The following NEMF variants were observed in gnomAD, a reference collection of about 807,000 sequenced individuals.
NEMF encodes the protein ribosome quality control complex subunit NEMF.
In NEMF, 89 loss-of-function variants were observed where a neutral mutation model predicts 162.2. The observed-to-expected ratio is 0.55, with a 90% CI of 0.46 to 0.65. The LOEUF (loss-of-function observed/expected upper bound fraction) is 0.65, where lower values mean the gene tolerates loss of function less well. Ranked by LOEUF, NEMF falls within the 30% of genes least tolerant of loss-of-function variation. The pLI, the probability that NEMF is intolerant of heterozygous loss-of-function variation, is 0.00. For missense variants in NEMF, 1,133 were observed against 1,261.9 expected, an observed-to-expected ratio of 0.90 and a Z score of 1.55; for synonymous variants, 421 against 404.5, an observed-to-expected ratio of 1.04 and a Z score of -0.49.
Position 49,807,041 on chromosome 14 carries a change from C to T in NEMF, c.1745-908G>A, listed in dbSNP as rs561543974. Among the ~76,000 whole-genome samples, 165 of 152,302 alleles carry T rather than the reference C, an allele frequency of 1.1e-3. 1 individual carries two copies. The highest frequency in any genetic ancestry group is 3.9e-3 in the African/African-American group (161 of 41,564). ...CCTATATTCATTAGCAGCCACTCCC[C>T]ATTTTCTCCTCTGTACCCAGCCCCT... On this transcript the variant is annotated intron_variant, in intron 18 of 32. Coordinates refer to ENST00000298310, the MANE Select transcript of NEMF (RefSeq NM_004713.6).
chr14:49,826,975 G>T (rs1317383795), intron 15 of NEMF, among the ~76,000 whole-genome samples: 1 of 152,154 alleles, frequency 6.6e-6, no homozygotes, highest in African/African-American at 2.4e-5. Context: ...AACAGCAAGG[G>T]CAAAGACCCT....
chr14:49,833,591 C>G, intron 7 of NEMF, 95 bp from the exon 8 acceptor site: 1 of 729,966 alleles, frequency 1.4e-6, no homozygotes, highest in Non-Finnish European at 2.2e-6. Flanking sequence ...AAAGTGCTTA[C>G]AAAATAATGT....
chr14:49,832,359 G>A (rs543259419), intron 8 of NEMF, 82 bp from the exon 9 acceptor site: 9 of 939,640 alleles, frequency 9.6e-6, no homozygotes, highest in Admixed American at 4.7e-5. Context: ...ATACAGTCGC[G>A]CTCGCTCCAT....
At chr14:49,806,837 A>T (rs1313472998) in intron 18 of NEMF, among the ~76,000 whole-genome samples, 2 of 152,226 alleles carry the variant, frequency 1.3e-5, no homozygotes, top group Admixed American at 6.5e-5. Flanking sequence ...TATATGAATA[A>T]CATGTCCCTT....
chr14:49,847,930 G>A (rs1893589055), intron 3 of NEMF, among the ~76,000 whole-genome samples: 1 of 151,404 alleles, frequency 6.6e-6, no homozygotes, highest in Admixed American at 6.6e-5. Flanking sequence ...TACTCAGGAG[G>A]CTGAGGCAAA....
At chr14:49,819,137 G>A (rs1891867689) in intron 16 of NEMF, among the ~76,000 whole-genome samples, 1 of 152,028 alleles carries the variant, frequency 6.6e-6, no homozygotes, top group Non-Finnish European at 1.5e-5. Flanking sequence ...AGGAGGGTGC[G>A]GTAGGGCTGA....
intron 28 of NEMF, among the ~76,000 whole-genome samples, chr14:49,788,926 G>C (rs116601773): frequency 7.2e-5 from 11 of 152,198 alleles, no homozygotes; most frequent in Non-Finnish European, 1.2e-4. Flanking sequence ...ACTTCCTAAA[G>C]GCTTGTAACA....
intron 28 of NEMF, among the ~76,000 whole-genome samples, chr14:49,788,031 C>A (rs111354266): frequency 1.3e-3 from 196 of 152,268 alleles, no homozygotes; most frequent in African/African-American, 4.5e-3. Flanking sequence ...GTAATCCCAA[C>A]ACTTTGGGAG....
intron 1 of NEMF, 74 bp downstream of exon 1, chr14:49,852,621 C>A: frequency 6.7e-7 from 1 of 1,499,386 alleles, no homozygotes; most frequent in South Asian, 1.1e-5. Context: ...TCAAGCTGGT[C>A]TGTTTGCGCC....
At chr14:49,807,494 A>C (rs1347616800) in intron 18 of NEMF, among the ~76,000 whole-genome samples, 3 of 151,782 alleles carry the variant, frequency 2.0e-5, no homozygotes, top group Non-Finnish European at 2.9e-5. Context: ...TCCTACCAGC[A>C]GTATTCTATG....
intron 26 of NEMF, among the ~76,000 whole-genome samples, chr14:49,790,563 C>T (rs4277269): frequency 1 from 151,698 of 152,290 alleles, 75,558 homozygotes; most frequent in Middle Eastern, 1. Context: ...CATACACTGC[C>T]TGGTGGGAAA....
intron 16 of NEMF, among the ~76,000 whole-genome samples, chr14:49,822,815 A>G (rs1442590698): frequency 6.6e-6 from 1 of 151,842 alleles, no homozygotes; most frequent in Non-Finnish European, 1.5e-5. Context: ...GAAAGGGAGT[A>G]TGTCTGCTGA....
intron 16 of NEMF, 95 bp from the exon 17 acceptor site, chr14:49,814,952 A>C: frequency 2.9e-6 from 2 of 699,324 alleles, no homozygotes; most frequent in Non-Finnish European, 2.4e-6. Context: ...GCTATTTAAG[A>C]CAAGTTGATG....
At chr14:49,843,013 T>A (rs1205490017) in intron 4 of NEMF, among the ~76,000 whole-genome samples, 4 of 150,232 alleles carry the variant, frequency 2.7e-5, no homozygotes, top group African/African-American at 7.4e-5. Context: ...TCAAAAAAAA[T>A]TAAAAAATAA....
Position 49,828,760 on chromosome 14 carries a change from T to C in NEMF, c.1280A>G (p.Asp427Gly), listed in dbSNP as rs774526855. The C allele has an allele frequency of 3.9e-5, 61 of 1,570,748 alleles. No homozygotes were observed. The highest frequency in any genetic ancestry group is 3.4e-4 in the Admixed American group (19 of 55,802). Residue 427 changes from aspartate (D) to glycine (G), a missense_variant, in exon 14 of 33, where the codon GAC becomes GGC. This residue lies in a region of NEMF where 582 missense variants were observed against 631.5 expected (regional missense o/e 0.92). Coordinates refer to ENST00000298310, the MANE Select transcript of NEMF (RefSeq NM_004713.6). ...SEEEDDDVDG[D>G]VNVEKNETEP... ...AGTTTCATTTTTCTCAACATTGACG[T>C]CACCATCAACATCATCATCTTCCTC...
rs1893844522 is a variant in NEMF at position 49,852,715 on chromosome 14, T to A, written c.39A>T (p.Val13=). 2 of 1,614,184 alleles carry A rather than the reference T, an allele frequency of 1.2e-6. No homozygotes were observed. Among genetic ancestry groups the A allele is most frequent in the Non-Finnish European group, 1.7e-6 (2 of 1,180,020 alleles). ...SRFSTIDLRA[V]LAELNASLLG... ...TGTACCTAGCATTCAGCTCCGCGAG[T>A]ACGGCGCGGAGGTCAATGGTGCTAA... The change falls in exon 1 of 33, where the codon GTA becomes GTT. Residue 13 remains valine (V), a synonymous_variant. Transcript: ENST00000298310.
In NEMF at chr14:49,832,124, T is replaced by A. The variant is rs372841817; in HGVS notation, c.809A>T (p.Tyr270Phe). ...ADKPVEDILTYEEFHPFLFSQ... is the reference protein window; with the variant it reads ...ADKPVEDILTFEEFHPFLFSQ... ...AAACAAGAAAGGATGAAATTCCTCATACCTGTAAAACATATTTATTATATC... is the reference window on the plus strand; with the variant it reads ...AAACAAGAAAGGATGAAATTCCTCAAACCTGTAAAACATATTTATTATATC... Residue 270 changes from tyrosine to phenylalanine, a missense_variant and splice_region_variant, in exon 10 of 33, where the codon TAT becomes TTT. Physicochemically the swap from Tyr to Phe is conservative, Grantham distance 22. Coordinates refer to ENST00000298310, the MANE Select transcript of NEMF (RefSeq NM_004713.6). 30 of 1,603,072 alleles carry A rather than the reference T, an allele frequency of 1.9e-5. No individual in the cohort carries two copies. The highest frequency in any genetic ancestry group is 4.0e-5 in the African/African-American group (3 of 74,388).
intron 4 of NEMF, 108 bp downstream of exon 4, chr14:49,846,032 C>T: frequency 2.3e-6 from 2 of 879,336 alleles, no homozygotes; most frequent in South Asian, 1.9e-5. Flanking sequence ...AGGGTAGTAA[C>T]AACCTTTGAC....
At chr14:49,788,416 A>C (rs1226078451) in intron 28 of NEMF, among the ~76,000 whole-genome samples, 2 of 152,138 alleles carry the variant, frequency 1.3e-5, no homozygotes, top group African/African-American at 4.8e-5. Flanking sequence ...TGGTTTTGTA[A>C]CCAGAGTACT....
Sources: allele counts gnomAD v4.1 joint callset (sites outside exome capture counted in the v4.1 genomes callset), GRCh38; gene constraint gnomAD v4.1.1; regional missense constraint gnomAD v4.1.1; transcripts MANE v1.5; gene names NCBI Gene and HGNC (gene_info 2026-07-23, HGNC 2026-07-21).